KDM4C: variants seen among roughly 807,000 people sequenced by gnomAD.
KDM4C encodes the protein lysine-specific demethylase 4C.
Under a neutral mutation model 129.3 loss-of-function variants are expected in KDM4C, and 81 were observed. The ratio of observed to expected loss-of-function variants is 0.63; its 90% CI spans 0.52 to 0.75. The LOEUF is 0.75. Ranked by LOEUF, KDM4C falls within the 30% of genes least tolerant of loss-of-function variation. KDM4C has a pLI of 0.00. For missense variants in KDM4C, 1,457 were observed against 1,304.0 expected (o/e 1.12, Z -1.81); for synonymous variants, 573 against 456.1 (o/e 1.26, Z -3.26).
At chr9:7,106,466 A>G (rs572958871) in intron 18 of KDM4C, among the ~76,000 whole-genome samples, 1 of 152,332 alleles carries the variant, frequency 6.6e-6, no homozygotes, top group South Asian at 2.1e-4. Context: ...TTACAGAATA[A>G]TGGAGGATGC....
intron 12 of KDM4C, among the ~76,000 whole-genome samples, chr9:6,998,569 G>T (rs1355519307): frequency 2.6e-5 from 4 of 152,180 alleles, no homozygotes; most frequent in Non-Finnish European, 5.9e-5. Context: ...GCCGAGGCAG[G>T]CGGATCACCT....
chr9:6,884,442 CTA>C (rs1303085091), intron 6 of KDM4C, among the ~76,000 whole-genome samples: 1 of 152,134 alleles, frequency 6.6e-6, no homozygotes, highest in Non-Finnish European at 1.5e-5. Context: ...AACCAATTTT[CTA>C]TACCTTTTTC....
intron 8 of KDM4C, among the ~76,000 whole-genome samples, chr9:6,938,843 A>G (rs1390482101): frequency 7.1e-6 from 1 of 140,050 alleles, no homozygotes; most frequent in African/African-American, 2.5e-5. Context: ...TATTTTTCAG[A>G]TACACTAATA....
intron 4 of KDM4C, 99 bp from the exon 5 acceptor site, chr9:6,849,408 A>T (rs773315246): frequency 2.1e-6 from 2 of 960,602 alleles, no homozygotes; most frequent in African/African-American, 3.3e-5. Context: ...AGAATATACA[A>T]TGTAATAATT....
At chr9:7,073,930 C>A (rs900114989) in intron 17 of KDM4C, among the ~76,000 whole-genome samples, 2 of 152,060 alleles carry the variant, frequency 1.3e-5, no homozygotes, top group Admixed American at 1.3e-4. Context: ...GCAGGTGTCT[C>A]GGAAACCTAA....
rs534718886 is a variant in KDM4C, at chr9:6,914,673, T to C, written c.921+21441T>C. ...AGCAGTGGGGCCTGTAGTAAATGAT[T>C]AGGCATTGAGGGCTCCACGCCCATG... On this transcript the variant is annotated intron_variant, in intron 8 of 21. Transcript: ENST00000381309. Among the ~76,000 whole-genome samples the C allele has an allele frequency of 9.8e-5, 15 of 152,354 alleles. No homozygotes were observed. In the South Asian group the frequency reaches 3.1e-3, roughly 32 times the overall value.
At position 7,052,910 on chromosome 9, in the gene KDM4C, T is replaced by TGGGGTGCTTTA. The variant is rs139147225; in HGVS notation, c.2424+3711_2424+3712insGGGTGCTTTAG. On this transcript the variant is annotated intron_variant, in intron 17 of 21. Coordinates refer to ENST00000381309, the MANE Select transcript of KDM4C (RefSeq NM_015061.6). ...GAGAGAGAGAGAGAGAGCGAGCGAG[T>TGGGGTGCTTTA]GCCCAAGGGATGACAATAGAGCATC... 6.0e-4 allele frequency among the ~76,000 whole-genome samples: 76 copies of TGGGGTGCTTTA among 126,818 alleles called. 2 individuals are homozygous for TGGGGTGCTTTA. Among genetic ancestry groups the TGGGGTGCTTTA allele is most frequent in the African/African-American group, 1.6e-3 (59 of 36,308 alleles). The allele number at this position is 126,818 out of a possible 152,430, so 83.2% of individuals were successfully genotyped here.
chr9:6,729,062 G>C (rs62566466), intron 1 of KDM4C, among the ~76,000 whole-genome samples: 1 of 150,614 alleles, frequency 6.6e-6, no homozygotes, highest in Non-Finnish European at 1.5e-5. Context: ...AAAATTAGCC[G>C]GGTGAGGTGG....
intron 8 of KDM4C, among the ~76,000 whole-genome samples, chr9:6,917,309 A>G (rs1474694334): frequency 6.6e-6 from 1 of 152,144 alleles, no homozygotes; most frequent in African/African-American, 2.4e-5. Context: ...TTTCTCCACT[A>G]CCCAAACTGT....
At chr9:6,829,353 G>A (rs1042843269) in intron 4 of KDM4C, among the ~76,000 whole-genome samples, 1 of 152,164 alleles carries the variant, frequency 6.6e-6, no homozygotes, top group African/African-American at 2.4e-5. Context: ...ATGCCTAGAG[G>A]GGCAGATTTC....
intron 6 of KDM4C, among the ~76,000 whole-genome samples, chr9:6,881,614 A>C (rs202075033): frequency 1.3e-5 from 2 of 152,208 alleles, no homozygotes; most frequent in African/African-American, 4.8e-5. Context: ...TTCTGATATA[A>C]ACTTCTAATG....
chr9:6,802,123 A>G (rs573916086), intron 2 of KDM4C, among the ~76,000 whole-genome samples: 32 of 151,162 alleles, frequency 2.1e-4, no homozygotes, highest in African/African-American at 7.5e-4. Flanking sequence ...AAAAAAAAGT[A>G]TCAGTAAGGT....
At chr9:7,156,073 T>C (rs1749439381) in intron 19 of KDM4C, among the ~76,000 whole-genome samples, 1 of 152,132 alleles carries the variant, frequency 6.6e-6, no homozygotes, top group Admixed American at 6.6e-5. Context: ...AGATGGTATC[T>C]TGTGGTTTTG....
intron 1 of KDM4C, among the ~76,000 whole-genome samples, chr9:6,786,388 A>G (rs1825505510): frequency 6.6e-6 from 1 of 152,194 alleles, no homozygotes; most frequent in Non-Finnish European, 1.5e-5. Context: ...AAAAATTCTT[A>G]GGGTACTTGC....
chr9:6,760,445 G>GTGTATA (rs139577101), intron 1 of KDM4C, among the ~76,000 whole-genome samples: 46 of 142,524 alleles, frequency 3.2e-4, no homozygotes, highest in African/African-American at 1.2e-3. Flanking sequence ...CTACTCTTGG[G>GTGTATA]TATATATATA....
chr9:7,082,071 A>G (rs1242306278), intron 17 of KDM4C, among the ~76,000 whole-genome samples: 1 of 152,196 alleles, frequency 6.6e-6, no homozygotes, highest in Non-Finnish European at 1.5e-5. Context: ...AAAGGCATCA[A>G]ATAAATGCTT....
intron 17 of KDM4C, among the ~76,000 whole-genome samples, chr9:7,075,449 T>A (rs1195463416): frequency 6.6e-6 from 1 of 152,192 alleles, no homozygotes; most frequent in Non-Finnish European, 1.5e-5. Context: ...AATGCCCTTC[T>A]GTATGGGTTA....
chr9:6,745,571 C>G (rs1032064380), intron 1 of KDM4C, among the ~76,000 whole-genome samples: 3 of 124,072 alleles, frequency 2.4e-5, no homozygotes, highest in Non-Finnish European at 3.3e-5. Context: ...GAATGTGGTC[C>G]TGTCTCCAAA....
intron 17 of KDM4C, among the ~76,000 whole-genome samples, chr9:7,063,175 G>A (rs1275509624): frequency 6.6e-6 from 1 of 152,182 alleles, no homozygotes; most frequent in Non-Finnish European, 1.5e-5. Context: ...GTATGTAAGA[G>A]ATAGTTTTGG....
Sources: gnomAD v4.1 joint callset for allele counts (sites outside exome capture counted in the v4.1 genomes callset) on GRCh38, gnomAD v4.1.1 for gene constraint, MANE v1.5 for transcripts, NCBI Gene and HGNC (gene_info 2026-07-23, HGNC 2026-07-21) for gene names.